Variants in BMPER observed in about 807,000 individuals in gnomAD.
The protein encoded by BMPER is BMP-binding endothelial regulator protein.
Under a neutral mutation model 87.3 loss-of-function variants are expected in BMPER, and 45 were observed. The ratio of observed to expected loss-of-function variants is 0.52; its 90% CI spans 0.41 to 0.66. The LOEUF (loss-of-function observed/expected upper bound fraction) is 0.66. BMPER is among the 30% of genes least tolerant of loss of function. The pLI is 0.00. For synonymous variants in BMPER, 326 were observed against 316.2 expected, an observed-to-expected ratio of 1.03 and a Z score of -0.33; for missense variants, 784 against 867.5, an observed-to-expected ratio of 0.90 and a Z score of 1.21.
At chr7:34,112,324 A>C (rs6976128) in intron 13 of BMPER, among the ~76,000 whole-genome samples, 113,825 of 150,988 alleles carry the variant, frequency 0.75, 43,687 homozygotes, top group East Asian at 0.95. Context: ...GAAACCCCGT[A>C]TCTACTAAAA....
chr7:34,104,654 A>T (rs987310194), intron 13 of BMPER, among the ~76,000 whole-genome samples: 1 of 152,122 alleles, frequency 6.6e-6, no homozygotes, highest in Non-Finnish European at 1.5e-5. Context: ...ATCCAACAAA[A>T]CAGTCTGACT....
At chr7:33,978,458 C>G (rs1310684297) in intron 6 of BMPER, among the ~76,000 whole-genome samples, 1 of 152,164 alleles carries the variant, frequency 6.6e-6, no homozygotes, top group Non-Finnish European at 1.5e-5. Flanking sequence ...TGGGGAAAGT[C>G]TGGAAGCCAG....
At chr7:34,140,707 T>C (rs1421381223) in intron 13 of BMPER, among the ~76,000 whole-genome samples, 1 of 152,196 alleles carries the variant, frequency 6.6e-6, no homozygotes, top group East Asian at 1.9e-4. Context: ...AATAGCTTCA[T>C]AAGACACGTA....
In BMPER at chr7:33,905,711, G is replaced by T. The variant is rs1406585176; in HGVS notation, c.98G>T (p.Gly33Val). The stretch of plus-strand genomic sequence containing the variant: ...GTCTTGCTGCTACTCAATTGCTCGG[G>T]GGTCCCCATGTCTCTGGCTTCCTCC... The part of the protein sequence containing the change: ...CCVLLLLNCS[G>V]VPMSLASSFL... The change falls in exon 1 of 15, where the codon GGG becomes GTG. Residue 33 changes from glycine (G) to valine (V), a missense_variant. Physicochemically the swap from Gly to Val is moderately radical, Grantham distance 109 (BLOSUM62 -3). Coordinates refer to ENST00000649409, the MANE Select transcript of BMPER (RefSeq NM_001365308.1). 1.2e-6 allele frequency: 2 copies of T among 1,613,366 alleles called. No homozygotes were observed. Among genetic ancestry groups the T allele is most frequent in the South Asian group, 2.2e-5 (2 of 91,058 alleles).
intron 2 of BMPER, among the ~76,000 whole-genome samples, chr7:33,931,730 C>A (rs1784485597): frequency 6.6e-6 from 1 of 152,194 alleles, no homozygotes; most frequent in South Asian, 2.1e-4. Context: ...CTCCTTGGGG[C>A]ACTTGAAACA....
chr7:33,930,779 A>G (rs1274123648), intron 2 of BMPER, among the ~76,000 whole-genome samples: 1 of 152,126 alleles, frequency 6.6e-6, no homozygotes, highest in Admixed American at 6.5e-5. Context: ...TGTGTCTACA[A>G]AAAAATAAAA....
intron 9 of BMPER, among the ~76,000 whole-genome samples, chr7:34,056,983 G>A (rs999698217): frequency 5.9e-5 from 9 of 152,088 alleles, no homozygotes; most frequent in Non-Finnish European, 1.2e-4. Context: ...AATAATTCAC[G>A]GAGACTTGGA....
chr7:34,011,396 C>T (rs971156639), intron 6 of BMPER, among the ~76,000 whole-genome samples: 29 of 151,446 alleles, frequency 1.9e-4, no homozygotes, highest in Admixed American at 6.6e-5. Context: ...ACTTGTTTGG[C>T]TTCCTCTAAA....
chr7:33,940,446 A>T (rs569766930), intron 3 of BMPER, among the ~76,000 whole-genome samples: 1 of 152,210 alleles, frequency 6.6e-6, no homozygotes, highest in Admixed American at 6.5e-5. Context: ...AGGAATAAGG[A>T]CTGGAGGGAG....
chr7:33,973,213 G>A (rs535784494), intron 5 of BMPER, among the ~76,000 whole-genome samples: 19 of 151,276 alleles, frequency 1.3e-4, no homozygotes, highest in Admixed American at 4.6e-4. Flanking sequence ...CTGGCAATCC[G>A]TGTGACAAAA....
At chr7:33,914,378 G>A (rs1166308946) in intron 2 of BMPER, among the ~76,000 whole-genome samples, 4 of 152,144 alleles carry the variant, frequency 2.6e-5, no homozygotes, top group African/African-American at 9.7e-5. Flanking sequence ...TGGAGCCCAC[G>A]TTTATAGCGC....
Position 34,086,065 on chromosome 7 carries a change from C to G in BMPER, c.1718C>G (p.Ser573Trp), listed in dbSNP as rs199601718. The G allele has an allele frequency of 2.5e-6, 4 of 1,613,700 alleles. No individual in the cohort carries two copies. Among genetic ancestry groups the G allele is most frequent in the African/African-American group, 2.7e-5 (2 of 74,820 alleles). The change falls in exon 13 of 15, where the codon TCG (serine) becomes TGG (tryptophan). Residue 573 changes from serine to tryptophan, a missense_variant. Transcript: ENST00000649409. ...LKSWEFQTCH[S>W]TVDYATFYRS... ...TCCTGGGAGTTTCAGACCTGCCACT[C>G]GACTGTGGACTACGCCACTTTCTAC...
chr7:34,042,378 G>T (rs2127956110), intron 6 of BMPER, among the ~76,000 whole-genome samples: 1 of 152,224 alleles, frequency 6.6e-6, no homozygotes, highest in Non-Finnish European at 1.5e-5. Context: ...GACCAGATAA[G>T]AATACAGTCA....
intron 7 of BMPER, among the ~76,000 whole-genome samples, chr7:34,047,291 A>AT (rs1421550222): frequency 6.7e-6 from 1 of 150,260 alleles, no homozygotes; most frequent in Non-Finnish European, 1.5e-5. Context: ...TTATTTTTTT[A>AT]TTTTTTTGAG....
At chr7:34,139,714 C>CT (rs200307822) in intron 13 of BMPER, among the ~76,000 whole-genome samples, 6 of 151,982 alleles carry the variant, frequency 3.9e-5, no homozygotes, top group East Asian at 1.9e-4. Context: ...TTATCCTTCT[C>CT]TTTTTTTTCA....
intron 6 of BMPER, among the ~76,000 whole-genome samples, chr7:34,005,933 T>C (rs902267341): frequency 6.6e-6 from 1 of 152,058 alleles, no homozygotes; most frequent in African/African-American, 2.4e-5. Context: ...TTAAAAAATA[T>C]ACTCACTAGG....
At chr7:34,131,873 T>C (rs1214466556) in intron 13 of BMPER, among the ~76,000 whole-genome samples, 1 of 152,150 alleles carries the variant, frequency 6.6e-6, no homozygotes, top group Non-Finnish European at 1.5e-5. Flanking sequence ...TGAACTTCAG[T>C]GGGGCTGGAG....
intron 2 of BMPER, among the ~76,000 whole-genome samples, chr7:33,921,127 T>C (rs1233932874): frequency 6.6e-6 from 1 of 152,246 alleles, no homozygotes; most frequent in East Asian, 1.9e-4. Flanking sequence ...CTCTAGATTT[T>C]TATTGATTAG....
At chr7:33,935,702 C>T (rs1784586446) in intron 2 of BMPER, among the ~76,000 whole-genome samples, 1 of 152,130 alleles carries the variant, frequency 6.6e-6, no homozygotes. Context: ...AAAACAGCAG[C>T]AGCAGCCCCT....
Sources: allele counts gnomAD v4.1 joint callset (sites outside exome capture counted in the v4.1 genomes callset), GRCh38; gene constraint gnomAD v4.1.1; transcripts MANE v1.5; gene names NCBI Gene and HGNC (gene_info 2026-07-23, HGNC 2026-07-21).